Variants in LUZP2 observed in about 807,000 individuals in gnomAD.
LUZP2 encodes leucine zipper protein 2.
Under a neutral mutation model 51.6 loss-of-function variants are expected in LUZP2, and 52 were observed. The observed-to-expected ratio is 1.01, with a 90% CI of 0.81 to 1.27. LUZP2 has a LOEUF of 1.27. Ranked by LOEUF, LUZP2 falls within the 50% of genes most tolerant of loss-of-function variation. The pLI, the probability that LUZP2 is intolerant of heterozygous loss-of-function variation, is 0.00. For missense variants in LUZP2, 436 were observed against 395.4 expected (o/e 1.10, Z -0.87); for synonymous variants, 154 against 137.3 (o/e 1.12, Z -0.85).
chr11:24,926,275 G>GTA (rs200322015), intron 7 of LUZP2, among the ~76,000 whole-genome samples: 8 of 46,220 alleles, frequency 1.7e-4, no homozygotes, highest in African/African-American at 4.4e-4. Flanking sequence ...ATATATACGT[G>GTA]TATATATATA....
At chr11:24,674,472 A>T (rs980661041) in intron 1 of LUZP2, among the ~76,000 whole-genome samples, 2 of 152,208 alleles carry the variant, frequency 1.3e-5, no homozygotes, top group African/African-American at 4.8e-5. Context: ...ACAACAACCA[A>T]TGACACAAAA....
intron 5 of LUZP2, among the ~76,000 whole-genome samples, chr11:24,874,440 G>A (rs1218067298): frequency 6.6e-6 from 1 of 152,148 alleles, no homozygotes; most frequent in Non-Finnish European, 1.5e-5. Context: ...CTCAGAGTCA[G>A]GTGATGAGCC....
chr11:24,710,562 T>C (rs1857770622), intron 1 of LUZP2, among the ~76,000 whole-genome samples: 1 of 152,202 alleles, frequency 6.6e-6, no homozygotes, highest in South Asian at 2.1e-4. Flanking sequence ...TCTCACATTC[T>C]GTGCCAATAC....
chr11:25,039,688 G>T (rs1377946593), intron 9 of LUZP2, among the ~76,000 whole-genome samples: 1 of 152,144 alleles, frequency 6.6e-6, no homozygotes, highest in Non-Finnish European at 1.5e-5. Context: ...GATCCTAGAG[G>T]TCCAAAGTGA....
intron 1 of LUZP2, among the ~76,000 whole-genome samples, chr11:24,712,848 A>G (rs1010393883): frequency 1.3e-5 from 2 of 152,166 alleles, no homozygotes; most frequent in Non-Finnish European, 2.9e-5. Context: ...GCTGCTTTAA[A>G]CTTATTGTAT....
At chr11:24,718,171 G>A (rs906052922) in intron 1 of LUZP2, among the ~76,000 whole-genome samples, 1 of 152,154 alleles carries the variant, frequency 6.6e-6, no homozygotes, top group Admixed American at 6.5e-5. Context: ...GTGGCCGAAC[G>A]ATTGAACAGC....
chr11:24,854,476 G>T (rs1198659971), intron 5 of LUZP2, among the ~76,000 whole-genome samples: 1 of 152,130 alleles, frequency 6.6e-6, no homozygotes, highest in East Asian at 1.9e-4. Context: ...CTTCCATCAA[G>T]CTTGAGCATA....
intron 5 of LUZP2, among the ~76,000 whole-genome samples, chr11:24,781,699 A>G (rs1180214828): frequency 2.6e-5 from 4 of 152,092 alleles, no homozygotes; most frequent in African/African-American, 7.2e-5. Context: ...ACGAGCTGCT[A>G]TTTTATAGAA....
chr11:24,662,399 T>G lies in LUZP2; in HGVS notation c.63-66770T>G, dbSNP rs140221788. ...TATAGATTTCAAAATAAATAGACTG[T>G]ATAAACATTTCTAAATAGCTAAAGG... On this transcript the variant is annotated intron_variant, in intron 1 of 11. Coordinates refer to ENST00000336930, the MANE Select transcript of LUZP2 (RefSeq NM_001009909.4). Among the ~76,000 whole-genome samples, 16 of 152,226 alleles carry G rather than the reference T, an allele frequency of 1.1e-4. No individual in the cohort carries two copies. In the East Asian group the frequency reaches 3.1e-3, roughly 29 times the overall value.
intron 9 of LUZP2, among the ~76,000 whole-genome samples, chr11:25,037,322 C>T (rs1050637357): frequency 1.6e-4 from 25 of 151,964 alleles, no homozygotes; most frequent in Non-Finnish European, 2.4e-4. Context: ...CTTATTCTAC[C>T]CTTTGATTTT....
chr11:24,587,758 A>G (rs1853122002), intron 1 of LUZP2, among the ~76,000 whole-genome samples: 1 of 152,140 alleles, frequency 6.6e-6, no homozygotes. Flanking sequence ...TCTGACTTTA[A>G]GAGTTTTTCA....
chr11:25,011,803 A>G (rs917894389), intron 9 of LUZP2, among the ~76,000 whole-genome samples: 1 of 152,052 alleles, frequency 6.6e-6, no homozygotes, highest in Non-Finnish European at 1.5e-5. Flanking sequence ...CGGGGCATCT[A>G]TCACCTTGTA....
chr11:24,942,823 G>T (rs953379126), intron 7 of LUZP2, among the ~76,000 whole-genome samples: 1 of 152,064 alleles, frequency 6.6e-6, no homozygotes, highest in African/African-American at 2.4e-5. Context: ...GTTTGTCCTT[G>T]TGTTTTCTTT....
intron 7 of LUZP2, among the ~76,000 whole-genome samples, chr11:24,957,178 A>T (rs1030128189): frequency 2.0e-5 from 3 of 152,088 alleles, no homozygotes; most frequent in African/African-American, 7.2e-5. Context: ...GCGGTACCAA[A>T]ACCTAGCTGT....
intron 5 of LUZP2, among the ~76,000 whole-genome samples, chr11:24,787,773 A>T (rs2095253120): frequency 6.6e-6 from 1 of 152,224 alleles, no homozygotes; most frequent in Non-Finnish European, 1.5e-5. Context: ...TCACAAAGCT[A>T]GGTCATCAAT....
chr11:24,805,567 G>A (rs375736014), intron 5 of LUZP2, among the ~76,000 whole-genome samples: 1 of 152,070 alleles, frequency 6.6e-6, no homozygotes, highest in African/African-American at 2.4e-5. Flanking sequence ...GCAGAAATCT[G>A]CTTGTTGACT....
chr11:25,030,389 C>A (rs775182661), intron 9 of LUZP2, among the ~76,000 whole-genome samples: 5 of 152,052 alleles, frequency 3.3e-5, no homozygotes, highest in African/African-American at 9.7e-5. Flanking sequence ...AGCAATGCAG[C>A]TAAAACCATT....
intron 6 of LUZP2, among the ~76,000 whole-genome samples, chr11:24,910,212 A>G (rs1278645245): frequency 6.6e-6 from 1 of 152,292 alleles, no homozygotes; most frequent in East Asian, 1.9e-4. Flanking sequence ...GAAGTGGAGC[A>G]TGAAAGTTTG....
At position 25,036,176 on chromosome 11, in the gene LUZP2, C is replaced by T. The variant is rs146080993; in HGVS notation, c.766-13862C>T. ...TTGGCTATTCATTTATTTAGAGTTT[C>T]AATATCTTTCTGATTAAATTATTGG... is the stretch of plus-strand genomic sequence containing the variant. On this transcript the variant is annotated intron_variant, in intron 9 of 11. Coordinates refer to ENST00000336930, the MANE Select transcript of LUZP2 (RefSeq NM_001009909.4). Among the ~76,000 whole-genome samples the T allele has an allele frequency of 6.4e-4, 98 of 152,100 alleles. No individual in the cohort carries two copies. In the East Asian group the frequency reaches 0.016, roughly 26 times the overall value.
Sources: gnomAD v4.1 joint callset for allele counts (sites outside exome capture counted in the v4.1 genomes callset) on GRCh38, gnomAD v4.1.1 for gene constraint, MANE v1.5 for transcripts, NCBI Gene and HGNC (gene_info 2026-07-23, HGNC 2026-07-21) for gene names.